CNTNAP3: variants seen among roughly 807,000 people sequenced by gnomAD.
The protein encoded by CNTNAP3 is contactin associated protein family member 3, also known as contactin-associated protein-like 3.
A neutral mutation model predicts 92.1 loss-of-function variants in CNTNAP3; 36 were observed. The ratio of observed to expected loss-of-function variants is 0.39; its 90% CI spans 0.30 to 0.52. CNTNAP3 has a LOEUF of 0.52. CNTNAP3 is among the 20% of genes least tolerant of loss of function. The pLI is 0.76. For missense variants in CNTNAP3, 534 were observed against 1,069.6 expected, an observed-to-expected ratio of 0.50 and a Z score of 6.98; for synonymous variants, 232 against 422.3, an observed-to-expected ratio of 0.55 and a Z score of 5.53.
At chr9:39,094,853 TA>T (rs1190448201) in intron 18 of CNTNAP3, among the ~76,000 whole-genome samples, 6 of 151,564 alleles carry the variant, frequency 4.0e-5, no homozygotes, top group South Asian at 2.1e-4. Context: ...TAAATATTGA[TA>T]GGGGCTTTTT....
intron 14 of CNTNAP3, among the ~76,000 whole-genome samples, chr9:39,114,509 G>C (rs1434669274): frequency 2.6e-5 from 4 of 152,116 alleles, no homozygotes; most frequent in African/African-American, 9.7e-5. Flanking sequence ...ATCTTTGTCT[G>C]ACATAATACA....
At chr9:39,209,623 CCCA>C (rs1349149783) in intron 3 of CNTNAP3, among the ~76,000 whole-genome samples, 57 of 89,884 alleles carry the variant, frequency 6.3e-4, no homozygotes, top group Non-Finnish European at 7.2e-4. Context: ...CCCTCCCTCC[CCCA>C]CTCCCCTCTC....
At position 39,067,022 on chromosome 9, in the gene CNTNAP3, C is replaced by T. The variant is rs1241943534; in HGVS notation, c.*6868G>A. On this transcript the variant is annotated 3_prime_UTR_variant, in exon 24 of 24. Transcript: ENST00000297668. ...CAACTGAAGTTGTCCCACAGATCAC[C>T]GATACTCTGATTATTCTTTGTTTTT... Among the ~76,000 whole-genome samples the T allele has an allele frequency of 1.7e-3, 252 of 152,200 alleles. No homozygotes were observed. The highest frequency in any genetic ancestry group is 5.2e-3 in the African/African-American group (214 of 41,438).
chr9:39,134,710 G>T (rs1341640800), intron 12 of CNTNAP3, among the ~76,000 whole-genome samples: 1 of 152,210 alleles, frequency 6.6e-6, no homozygotes, highest in Non-Finnish European at 1.5e-5. Context: ...TTACAGGTGT[G>T]AGCCACCACG....
chr9:39,074,620 C>T (rs149045082), intron 23 of CNTNAP3, among the ~76,000 whole-genome samples: 3,130 of 151,864 alleles, frequency 0.021, 59 homozygotes, highest in East Asian at 0.11. Context: ...TCTAAGACCG[C>T]GTACATCCTT....
intron 20 of CNTNAP3, 88 bp from the exon 21 acceptor site, chr9:39,085,911 GAAAATAA>G: frequency 8.4e-7 from 1 of 1,193,588 alleles, no homozygotes; most frequent in Non-Finnish European, 1.2e-6. Flanking sequence ...AAGGAAAGAT[GAAAATAA>G]ATCACTTTTA....
chr9:39,149,984 A>C lies in CNTNAP3; in HGVS notation c.1478-7T>G. Reference sequence around the variant, plus strand: ...GAGCTGTTGTCCAGGCAGCCTAAATATGAAGACAAAAATAGGACAAAAGCA... The same window carrying C: ...GAGCTGTTGTCCAGGCAGCCTAAATCTGAAGACAAAAATAGGACAAAAGCA... On this transcript the variant is annotated splice_region_variant and splice_polypyrimidine_tract_variant and intron_variant, in intron 9 of 23. Transcript: ENST00000297668. 6.2e-7 allele frequency: 1 copy of C among 1,611,900 alleles called. No homozygotes were observed. The highest frequency in any genetic ancestry group is 8.5e-7 in the Non-Finnish European group (1 of 1,179,796).
At position 39,082,516 on chromosome 9, in the gene CNTNAP3, T is replaced by C. The variant is rs367586543; in HGVS notation, c.3442+3220A>G. On this transcript the variant is annotated intron_variant, in intron 21 of 23. Transcript: ENST00000297668. ...CTTGACTTTTTATAGGGTTTTTAGG[T>C]GTTTTCATTCTGTAATGTTGAAAGA... 2.6e-5 allele frequency among the ~76,000 whole-genome samples: 4 copies of C among 152,324 alleles called. No homozygotes were observed. The East Asian group carries it at 7.7e-4, about 29-fold the overall frequency.
Position 39,105,870 on chromosome 9 carries a change from A to T in CNTNAP3, c.2366-1956T>A, listed in dbSNP as rs1269872180. ...ATTTGTATCTCTCTCTCTCTCTCTC[A>T]CACACACAGTCTCTCTCTTCTATGT... On this transcript the variant is annotated intron_variant, in intron 15 of 23. Transcript: ENST00000297668. Among the ~76,000 whole-genome samples, 16 of 140,152 alleles carry T rather than the reference A, an allele frequency of 1.1e-4. 1 individual carries two copies. The highest frequency in any genetic ancestry group is 3.4e-4 in the Admixed American group (5 of 14,598). The allele number at this position is 140,152 out of a possible 152,430, so 91.9% of individuals were successfully genotyped here. A position where few individuals can be genotyped will look rare whatever the true frequency, so the allele number is the denominator to read the frequency against.
intron 7 of CNTNAP3, chr9:39,174,420 G>C: frequency 1.6e-6 from 1 of 635,554 alleles, no homozygotes; most frequent in South Asian, 1.7e-5. Context: ...AAGTTCATGG[G>C]CTTCACAGCT....
intron 13 of CNTNAP3, among the ~76,000 whole-genome samples, chr9:39,130,247 G>A (rs1230090589): frequency 6.6e-6 from 1 of 151,834 alleles, no homozygotes; most frequent in Non-Finnish European, 1.5e-5. Flanking sequence ...CAACCCAGAT[G>A]CCCTTCAATG....
In CNTNAP3 at chr9:39,132,910, A is replaced by T. The variant is rs1351094880; in HGVS notation, c.2080+22T>A. On this transcript the variant is annotated intron_variant, in intron 13 of 23. Transcript: ENST00000297668. ...GCGCCCCGGCCCCGTGAACCCCTGT[A>T]GCCTCCAGGAGTGGCGCTTACCTCG... 7 of 1,534,914 alleles carry T rather than the reference A, an allele frequency of 4.6e-6. 1 individual carries two copies. The South Asian group carries it at 8.3e-5, about 18-fold the overall frequency.
At chr9:39,074,888 G>C (rs1825714093) in intron 23 of CNTNAP3, among the ~76,000 whole-genome samples, 1 of 152,226 alleles carries the variant, frequency 6.6e-6, no homozygotes, top group Non-Finnish European at 1.5e-5. Context: ...CCTGCCTCAG[G>C]CTCCTGAGTA....
intron 13 of CNTNAP3, 133 bp from the exon 14 acceptor site, chr9:39,118,392 A>G (rs1450788894): frequency 2.3e-6 from 3 of 1,301,734 alleles, no homozygotes; most frequent in Admixed American, 2.6e-5. Context: ...ACTATACTTA[A>G]ATACTTGTAT....
intron 18 of CNTNAP3, among the ~76,000 whole-genome samples, chr9:39,089,702 T>A (rs998476864): frequency 1.3e-5 from 2 of 149,292 alleles, no homozygotes; most frequent in Non-Finnish European, 3.0e-5. Context: ...GGTTTTAATA[T>A]CTCCACATCC....
At chr9:39,122,498 C>T (rs1413457209) in intron 13 of CNTNAP3, among the ~76,000 whole-genome samples, 1 of 152,204 alleles carries the variant, frequency 6.6e-6, no homozygotes, top group South Asian at 2.1e-4. Flanking sequence ...ATTTTAGACC[C>T]TATTTAAGAC....
intron 14 of CNTNAP3, among the ~76,000 whole-genome samples, chr9:39,111,544 T>G (rs775834195): frequency 5.9e-5 from 9 of 151,966 alleles, no homozygotes; most frequent in Non-Finnish European, 1.3e-4. Flanking sequence ...AGCTTTAGAG[T>G]GGATTGATGG....
At chr9:39,126,299 C>G (rs1211392945) in intron 13 of CNTNAP3, among the ~76,000 whole-genome samples, 1 of 152,030 alleles carries the variant, frequency 6.6e-6, no homozygotes, top group African/African-American at 2.4e-5. Flanking sequence ...TTAACTAAGC[C>G]AGTAATTAAT....
intron 13 of CNTNAP3, among the ~76,000 whole-genome samples, chr9:39,128,721 C>T (rs569911936): frequency 1.2e-4 from 18 of 151,710 alleles, no homozygotes; most frequent in South Asian, 4.2e-4. Flanking sequence ...TACAGATTGA[C>T]GAGGCAGAAA....
Sources: allele counts gnomAD v4.1 joint callset (sites outside exome capture counted in the v4.1 genomes callset), GRCh38; gene constraint gnomAD v4.1.1; transcripts MANE v1.5; gene names NCBI Gene and HGNC (gene_info 2026-07-23, HGNC 2026-07-21).